The following DNAI7 variants were observed in gnomAD, a reference collection of about 807,000 sequenced individuals.
DNAI7 encodes cancer susceptibility 1.
Under a neutral mutation model 86.6 loss-of-function variants are expected in DNAI7, and 78 were observed. The ratio of observed to expected loss-of-function variants is 0.90; its 90% CI spans 0.75 to 1.09. The LOEUF (loss-of-function observed/expected upper bound fraction) is 1.09, where lower values mean the gene tolerates loss of function less well. DNAI7 is among the 50% of genes least tolerant of loss of function. The probability of loss-of-function intolerance (pLI) is 0.00; values close to 1 mark genes in which losing one functional copy is unlikely to be tolerated. For synonymous variants in DNAI7, 274 were observed against 273.0 expected, an observed-to-expected ratio of 1.00 and a Z score of -0.04; for missense variants, 753 against 810.2, an observed-to-expected ratio of 0.93 and a Z score of 0.86.
rs1946514657 is a variant in DNAI7 at position 25,158,815 on chromosome 12, A to G, written c.107-252T>C. 4.0e-5 allele frequency: 21 copies of G among 529,042 alleles called. No individual in the cohort carries two copies. The South Asian group carries it at 4.1e-4, about 10-fold the overall frequency. The allele number at this position is 529,042 out of a possible 1,614,324, so 32.8% of individuals were successfully genotyped here. A position where few individuals can be genotyped will look rare whatever the true frequency, so the allele number is the denominator to read the frequency against. ...AGACACTTCTCAAAAGAAGACATTTATGCAGCCAACAGACACATGAAAAAA... is the reference window on the plus strand; with the variant it reads ...AGACACTTCTCAAAAGAAGACATTTGTGCAGCCAACAGACACATGAAAAAA... On this transcript the variant is annotated intron_variant, in intron 3 of 15. Coordinates refer to ENST00000395987, the MANE Select transcript of DNAI7 (RefSeq NM_018272.5).
chr12:25,133,695 C>T (rs1943205391), intron 9 of DNAI7, among the ~76,000 whole-genome samples: 1 of 152,110 alleles, frequency 6.6e-6, no homozygotes, highest in African/African-American at 2.4e-5. Context: ...GGATAGAGCA[C>T]AGATACATAA....
At chr12:25,189,380 C>T (rs769556959) in intron 2 of DNAI7, among the ~76,000 whole-genome samples, 19 of 152,170 alleles carry the variant, frequency 1.2e-4, no homozygotes, top group Non-Finnish European at 2.5e-4. Context: ...GTGACTCATG[C>T]CTGTAATCCT....
chr12:25,154,663 T>C (rs976839474), intron 5 of DNAI7, among the ~76,000 whole-genome samples: 5 of 152,220 alleles, frequency 3.3e-5, no homozygotes, highest in African/African-American at 7.2e-5. Context: ...TTCAGATACA[T>C]AGAAGCACTA....
intron 6 of DNAI7, among the ~76,000 whole-genome samples, chr12:25,150,395 G>GGCGGGC: frequency 6.6e-6 from 1 of 152,018 alleles, no homozygotes; most frequent in Non-Finnish European, 1.5e-5. Flanking sequence ...ACGAGGTCAG[G>GGCGGGC]AGATCAAGAC....
intron 2 of DNAI7, among the ~76,000 whole-genome samples, chr12:25,176,876 T>G (rs547411824): frequency 6.6e-6 from 1 of 151,288 alleles, no homozygotes; most frequent in South Asian, 2.1e-4. Flanking sequence ...ATACATAACA[T>G]AAAATTTACC....
chr12:25,108,110 G>A, downstream of DNAI7: 1 of 1,584,484 alleles, frequency 6.3e-7, no homozygotes, highest in Non-Finnish European at 8.6e-7. Flanking sequence ...TTCAGTATCT[G>A]AACTTCGTAA....
chr12:25,139,697 G>A (rs772792786), intron 9 of DNAI7, among the ~76,000 whole-genome samples: 4 of 152,058 alleles, frequency 2.6e-5, no homozygotes, highest in South Asian at 2.1e-4. Context: ...GGGGCCTGTC[G>A]GGGGATGGGG....
At position 25,110,170 on chromosome 12, in the gene DNAI7, C is replaced by A. The variant is rs139550496; in HGVS notation, c.1850G>T (p.Ser617Ile). The stretch of plus-strand genomic sequence containing the variant: ...AGAATTACATAGTAGGTTCCACTTG[C>A]TCCAACCAAATGCAAAAGCAGAACT... ...LLSSAFAFGW[S>I]KWNLLCNSTK... is the part of the protein sequence containing the mutation. The change falls in exon 15 of 16, where the codon AGC becomes ATC. Residue 617 changes from serine (S) to isoleucine (I), a missense_variant. Coordinates refer to ENST00000395987, the MANE Select transcript of DNAI7 (RefSeq NM_018272.5). The A allele has an allele frequency of 4.3e-6, 7 of 1,612,162 alleles. No individual in the cohort carries two copies. The African/African-American group carries it at 8.0e-5, about 18-fold the overall frequency.
intron 9 of DNAI7, among the ~76,000 whole-genome samples, chr12:25,135,477 G>A (rs7135130): frequency 0.18 from 27,592 of 152,068 alleles, 2,635 homozygotes; most frequent in Middle Eastern, 0.24. Context: ...GGCAGGATCC[G>A]GGAACAGGGG....
rs1419694615 is a variant in DNAI7, at chr12:25,108,578, C to T, written c.2139G>A (p.Leu713=). The change falls in exon 16 of 16, where the codon CTG becomes CTA. Residue 713 remains leucine, a synonymous_variant. Transcript: ENST00000395987. ...AGTAGCTGAGCAATCTGGTAGAGAG[C>T]AGCATGTGGCACACAGAGTTGACAA... ...CQFVNSVCHM[L]LSTRLLSYS The T allele has an allele frequency of 1.2e-6, 2 of 1,613,544 alleles. No homozygotes were observed. The highest frequency in any genetic ancestry group is 1.7e-6 in the Non-Finnish European group (2 of 1,179,750).
chr12:25,123,283 A>G lies in DNAI7; in HGVS notation c.1006T>C (p.Ser336Pro). 1 of 1,603,482 alleles carries G rather than the reference A, an allele frequency of 6.2e-7. No individual in the cohort carries two copies. Among genetic ancestry groups the G allele is most frequent in the Non-Finnish European group, 8.5e-7 (1 of 1,175,182 alleles). The part of the protein sequence containing the change: ...EQGDIEVKMS[S>P]AEEESEAIKC... ...ATGGCTTCAGATTCTTCCTCAGCAG[A>G]ACTCTATAAAAAACCACAGACATAT... is the stretch of plus-strand genomic sequence containing the variant. The change falls in exon 10 of 16, where the codon TCT (serine) becomes CCT (proline). Residue 336 changes from serine to proline, a missense_variant. Ser to Pro is a moderately conservative substitution (Grantham distance 74). Coordinates refer to ENST00000395987, the MANE Select transcript of DNAI7 (RefSeq NM_018272.5).
At position 25,146,997 on chromosome 12, in the gene DNAI7, G is replaced by A. The variant is rs762306944; in HGVS notation, c.689+4C>T. On this transcript the variant is annotated splice_donor_region_variant and intron_variant, in intron 8 of 15. Transcript: ENST00000395987. Reference sequence around the variant, plus strand: ...TACAGGGAAAGTATTGCCCACAAGGGTACCTTGGATTCTTCTTGAGGTTTG... The same window carrying A: ...TACAGGGAAAGTATTGCCCACAAGGATACCTTGGATTCTTCTTGAGGTTTG... The A allele has an allele frequency of 6.8e-7, 1 of 1,477,392 alleles. No individual in the cohort carries two copies. Among genetic ancestry groups the A allele is most frequent in the Non-Finnish European group, 9.5e-7 (1 of 1,056,652 alleles). The allele number at this position is 1,477,392 out of a possible 1,614,324, so 91.5% of individuals were successfully genotyped here. A position where few individuals can be genotyped will look rare whatever the true frequency, so the allele number is the denominator to read the frequency against.
chr12:25,123,522 A>G (rs1941642110), intron 9 of DNAI7, among the ~76,000 whole-genome samples: 1 of 152,228 alleles, frequency 6.6e-6, no homozygotes, highest in African/African-American at 2.4e-5. Flanking sequence ...TTCTCTGCTG[A>G]AAATCCTCAA....
In DNAI7 at chr12:25,108,671, T is replaced by G; in HGVS notation, c.2046A>C (p.Leu682Phe). Residue 682 changes from leucine (L) to phenylalanine (F), a missense_variant, in exon 16 of 16, where the codon TTA (leucine) becomes TTC (phenylalanine). Physicochemically the swap from Leu to Phe is conservative, Grantham distance 22. Coordinates refer to ENST00000395987, the MANE Select transcript of DNAI7 (RefSeq NM_018272.5). Reference sequence around the variant, plus strand: ...AAGCAAAATCCTTCACCATGTGATATAAAGTAGAATGAAACTCAGTTTCTT... The same window carrying G: ...AAGCAAAATCCTTCACCATGTGATAGAAAGTAGAATGAAACTCAGTTTCTT... ...LKEETEFHST[L>F]YHMVKDFASE... The G allele has an allele frequency of 6.2e-7, 1 of 1,613,774 alleles. No homozygotes were observed. The highest frequency in any genetic ancestry group is 8.5e-7 in the Non-Finnish European group (1 of 1,179,928).
chr12:25,110,202 G>A lies in DNAI7; in HGVS notation c.1818C>T (p.Ala606=). The A allele has an allele frequency of 1.9e-6, 3 of 1,611,842 alleles. No homozygotes were observed. Among genetic ancestry groups the A allele is most frequent in the Non-Finnish European group, 2.5e-6 (3 of 1,178,102 alleles). The stretch of plus-strand genomic sequence containing the variant: ...CAAATGCAAAAGCAGAACTTAGTAG[G>A]GCCATCTGTCGATAAGCTTTCACTT... The part of the protein sequence containing the change: ...LVEVKAYRQM[A]LLSSAFAFGW... The change falls in exon 15 of 16, where the codon GCC becomes GCT. Residue 606 remains alanine, a synonymous_variant. Transcript: ENST00000395987.
chr12:25,119,115 C>T lies in DNAI7; in HGVS notation c.1396+30G>A, dbSNP rs749445487. On this transcript the variant is annotated intron_variant, in intron 12 of 15. Coordinates refer to ENST00000395987, the MANE Select transcript of DNAI7 (RefSeq NM_018272.5). Reference sequence around the variant, plus strand: ...CTTAAGGGTTTTTATGATTATCCCTCCTTTTATTACATAATTATAAAAGCT... The same window carrying T: ...CTTAAGGGTTTTTATGATTATCCCTTCTTTTATTACATAATTATAAAAGCT... 2.6e-6 allele frequency: 4 copies of T among 1,547,274 alleles called. No individual in the cohort carries two copies. In the African/African-American group the frequency reaches 5.5e-5, roughly 21 times the overall value.
rs1432262828 is a variant in DNAI7 at position 25,108,759 on chromosome 12, C to T, written c.1958G>A (p.Gly653Asp). ...GATCTTCAGTCTTTGTGCTCTGTCA[C>T]CACTAAACATTAAAAGGGCCCAATT... ...NPNWALLMFS[G>D]DRAQRLKIKE... The change falls in exon 16 of 16, where the codon GGT (glycine) becomes GAT (aspartate). Residue 653 changes from glycine (G) to aspartate (D), a missense_variant. Coordinates refer to ENST00000395987, the MANE Select transcript of DNAI7 (RefSeq NM_018272.5). 6.5e-7 allele frequency: 1 copy of T among 1,542,098 alleles called. No individual in the cohort carries two copies. Among genetic ancestry groups the T allele is most frequent in the Non-Finnish European group, 8.8e-7 (1 of 1,141,818 alleles).
rs370134591 is a variant in DNAI7 at position 25,149,654 on chromosome 12, C to T, written c.559G>A (p.Gly187Ser). 32 of 1,606,140 alleles carry T rather than the reference C, an allele frequency of 2.0e-5. No individual in the cohort carries two copies. The highest frequency in any genetic ancestry group is 1.7e-4 in the Middle Eastern group (1 of 6,026). ...QLQELLHLKF[G>S]VATEILLKQA... Reference sequence around the variant, plus strand: ...TTGAGAAGTATTTCTGTGGCTACACCGAATTTAAGATGAAGGAGCTCCTGC... The same window carrying T: ...TTGAGAAGTATTTCTGTGGCTACACTGAATTTAAGATGAAGGAGCTCCTGC... The change falls in exon 7 of 16, where the codon GGT becomes AGT. Residue 187 changes from glycine to serine, a missense_variant. By Grantham distance (56) the Gly-to-Ser change is moderately conservative. Coordinates refer to ENST00000395987, the MANE Select transcript of DNAI7 (RefSeq NM_018272.5).
chr12:25,169,563 A>G (rs1275671034), intron 2 of DNAI7, among the ~76,000 whole-genome samples: 1 of 152,228 alleles, frequency 6.6e-6, no homozygotes, highest in Non-Finnish European at 1.5e-5. Context: ...TAAAAGACAC[A>G]GAGGCCAGGA....
Sources: gnomAD v4.1 joint callset for allele counts (sites outside exome capture counted in the v4.1 genomes callset) on GRCh38, gnomAD v4.1.1 for gene constraint, MANE v1.5 for transcripts, NCBI Gene and HGNC (gene_info 2026-07-23, HGNC 2026-07-21) for gene names.